The following SLC9A9 variants were observed in gnomAD, a reference collection of about 807,000 sequenced individuals.
SLC9A9 encodes the protein sodium/hydrogen exchanger 9.
In SLC9A9, 62 loss-of-function variants were observed where a neutral mutation model predicts 77.8. The observed-to-expected ratio is 0.80, with a 90% CI of 0.65 to 0.98. The LOEUF (loss-of-function observed/expected upper bound fraction) is 0.98, where lower values mean the gene tolerates loss of function less well. SLC9A9 is among the 50% of genes least tolerant of loss of function. The pLI, the probability that SLC9A9 is intolerant of heterozygous loss-of-function variation, is 0.00. For missense variants in SLC9A9, 775 were observed against 774.9 expected, an observed-to-expected ratio of 1.00 and a Z score of 0.00; for synonymous variants, 320 against 283.5, an observed-to-expected ratio of 1.13 and a Z score of -1.29.
intron 14 of SLC9A9, among the ~76,000 whole-genome samples, chr3:143,362,049 G>T (rs1424881497): frequency 6.6e-6 from 1 of 152,098 alleles, no homozygotes; most frequent in African/African-American, 2.4e-5. Context: ...AATGGCAGGG[G>T]CAAATTCTGC....
chr3:143,287,397 A>G (rs948631379), intron 14 of SLC9A9, among the ~76,000 whole-genome samples: 1 of 150,794 alleles, frequency 6.6e-6, no homozygotes, highest in African/African-American at 2.4e-5. Context: ...ACAAGAAGGG[A>G]AAAAAAAACA....
intron 4 of SLC9A9, among the ~76,000 whole-genome samples, chr3:143,709,535 C>G (rs1480996778): frequency 6.6e-6 from 1 of 152,056 alleles, no homozygotes; most frequent in East Asian, 1.9e-4. Context: ...AATAGCTCAG[C>G]CATTAGTGTA....
intron 11 of SLC9A9, among the ~76,000 whole-genome samples, chr3:143,483,777 C>G (rs1006331): frequency 0.28 from 42,173 of 151,774 alleles, 5,974 homozygotes; most frequent in East Asian, 0.36. Context: ...AATGGACAAC[C>G]ATTTATCATA....
At chr3:143,715,509 C>T (rs1934318708) in intron 4 of SLC9A9, among the ~76,000 whole-genome samples, 1 of 152,232 alleles carries the variant, frequency 6.6e-6, no homozygotes, top group Non-Finnish European at 1.5e-5. Context: ...AATGCCTATA[C>T]TTTCATAGCA....
In SLC9A9 at chr3:143,839,501, TACAC is replaced by T. The variant is rs57906338; in HGVS notation, c.176-7284_176-7281del. Among the ~76,000 whole-genome samples, 482 of 150,212 alleles carry T rather than the reference TACAC, an allele frequency of 3.2e-3. 2 individuals carry two copies. Among genetic ancestry groups the T allele is most frequent in the South Asian group, 0.012 (55 of 4,742 alleles). On this transcript the variant is annotated intron_variant, in intron 1 of 15. Transcript: ENST00000316549. ...CTTGGTTCCCAACAAACAACACACA[TACAC>T]ACACACACACACACACACACACATC...
chr3:143,404,557 A>C (rs898255505), intron 12 of SLC9A9, among the ~76,000 whole-genome samples: 1 of 152,076 alleles, frequency 6.6e-6, no homozygotes, highest in Non-Finnish European at 1.5e-5. Context: ...TGCCCCCTCA[A>C]AAGCAGTTTG....
chr3:143,625,848 A>C (rs1383354111), intron 6 of SLC9A9, among the ~76,000 whole-genome samples: 1 of 152,180 alleles, frequency 6.6e-6, no homozygotes, highest in Non-Finnish European at 1.5e-5. Context: ...ATGGGAGAAA[A>C]TTTTTCCAAT....
intron 12 of SLC9A9, among the ~76,000 whole-genome samples, chr3:143,443,445 T>A (rs1052716625): frequency 6.6e-6 from 1 of 152,196 alleles, no homozygotes; most frequent in Non-Finnish European, 1.5e-5. Context: ...ACTGTTTTAA[T>A]GTGCTGCTTG....
chr3:143,373,605 T>TTA (rs776630395), intron 13 of SLC9A9, among the ~76,000 whole-genome samples: 2 of 58,618 alleles, frequency 3.4e-5, no homozygotes, highest in East Asian at 9.7e-4. Context: ...ACTGAAATAG[T>TTA]AAAAAAAAAA....
intron 4 of SLC9A9, among the ~76,000 whole-genome samples, chr3:143,705,027 C>CTATCTATCTA (rs1560040912): frequency 6.3e-5 from 2 of 31,970 alleles, no homozygotes; most frequent in Non-Finnish European, 1.5e-4. Flanking sequence ...ATCTATCTAT[C>CTATCTATCTA]TATCTATCTA....
At chr3:143,736,392 A>T (rs1934942108) in intron 4 of SLC9A9, among the ~76,000 whole-genome samples, 1 of 152,218 alleles carries the variant, frequency 6.6e-6, no homozygotes, top group South Asian at 2.1e-4. Context: ...TTCATTAAAC[A>T]AACATTTACT....
chr3:143,717,837 A>G (rs1287228724), intron 4 of SLC9A9, among the ~76,000 whole-genome samples: 2 of 152,164 alleles, frequency 1.3e-5, no homozygotes, highest in East Asian at 3.8e-4. Flanking sequence ...TTGAGGATAG[A>G]AACAAGTCCA....
intron 4 of SLC9A9, among the ~76,000 whole-genome samples, chr3:143,704,422 T>C (rs868531024): frequency 1.3e-5 from 2 of 152,208 alleles, no homozygotes; most frequent in Admixed American, 1.3e-4. Context: ...TCTCAACATA[T>C]GCAAATAAAT....
chr3:143,379,318 A>G (rs1453960821), intron 13 of SLC9A9, among the ~76,000 whole-genome samples: 2 of 152,220 alleles, frequency 1.3e-5, no homozygotes, highest in African/African-American at 4.8e-5. Flanking sequence ...AAATGAGAGC[A>G]GAGAGGTTCT....
rs186530166 is a variant in SLC9A9, at chr3:143,518,372, T to C, written c.1090-22924A>G. ...TATTATTTGTTATCTATTGAGTAGA[T>C]ATTATGGAATGTTTATAACTGTGAA... On this transcript the variant is annotated intron_variant, in intron 9 of 15. Transcript: ENST00000316549. 557 of 609,892 alleles carry C rather than the reference T, an allele frequency of 9.1e-4. 4 individuals carry two copies. In the East Asian group the frequency reaches 0.015, roughly 16 times the overall value. The allele number at this position is 609,892 out of a possible 1,614,324, so 37.8% of individuals were successfully genotyped here. A position where few individuals can be genotyped will look rare whatever the true frequency, so the allele number is the denominator to read the frequency against.
chr3:143,513,343 C>T (rs1053093995), intron 9 of SLC9A9, among the ~76,000 whole-genome samples: 8 of 152,192 alleles, frequency 5.3e-5, no homozygotes, highest in African/African-American at 9.7e-5. Context: ...AAGCCACTTT[C>T]GTTGCTCATC....
chr3:143,624,632 A>G (rs1414381320), intron 6 of SLC9A9, among the ~76,000 whole-genome samples: 3 of 152,220 alleles, frequency 2.0e-5, no homozygotes, highest in Non-Finnish European at 4.4e-5. Context: ...AATAAGAGCT[A>G]TCTATGACAA....
chr3:143,789,258 A>G (rs1162629050), intron 4 of SLC9A9, among the ~76,000 whole-genome samples: 1 of 152,292 alleles, frequency 6.6e-6, no homozygotes, highest in East Asian at 1.9e-4. Flanking sequence ...CTTTAGTTCT[A>G]GCTAAACAAG....
chr3:143,452,587 A>G (rs2035027151), intron 12 of SLC9A9, among the ~76,000 whole-genome samples: 1 of 151,990 alleles, frequency 6.6e-6, no homozygotes, highest in South Asian at 2.1e-4. Flanking sequence ...AAGTTTTTGC[A>G]ATAACTGGAA....
Sources: allele counts gnomAD v4.1 joint callset (sites outside exome capture counted in the v4.1 genomes callset), GRCh38; gene constraint gnomAD v4.1.1; transcripts MANE v1.5; gene names NCBI Gene and HGNC (gene_info 2026-07-23, HGNC 2026-07-21).